Variants in GLP2R observed in about 807,000 individuals in gnomAD.
The protein encoded by GLP2R is glucagon-like peptide 2 receptor.
A neutral mutation model predicts 68.2 loss-of-function variants in GLP2R; 59 were observed. The ratio of observed to expected loss-of-function variants is 0.87; its 90% CI spans 0.70 to 1.07. GLP2R has a LOEUF of 1.07. GLP2R is among the 50% of genes least tolerant of loss of function. The pLI is 0.00. For synonymous variants in GLP2R, 270 were observed against 265.4 expected (o/e 1.02, Z -0.17); for missense variants, 548 against 677.4 (o/e 0.81, Z 2.12).
chr17:9,863,641 C>T (rs1331300355), intron 9 of GLP2R, among the ~76,000 whole-genome samples: 1 of 152,218 alleles, frequency 6.6e-6, no homozygotes, highest in Non-Finnish European at 1.5e-5. Context: ...TCTTTTCCAC[C>T]TGGTGATCTG....
intron 6 of GLP2R, among the ~76,000 whole-genome samples, chr17:9,857,967 A>G (rs2066949816): frequency 6.6e-6 from 1 of 152,238 alleles, no homozygotes. Flanking sequence ...TCTGACCTGA[A>G]CATGTACAGA....
rs143510669 is a variant in GLP2R at position 9,846,529 on chromosome 17, G to A, written c.504+3913G>A. ...GCTACTTGGGAGGCTGATGTGGGAG[G>A]ATCACTTAAGCCCCAGGAGGTTGAG... On this transcript the variant is annotated intron_variant, in intron 4 of 12. Coordinates refer to ENST00000262441, the MANE Select transcript of GLP2R (RefSeq NM_004246.3). Among the ~76,000 whole-genome samples the A allele has an allele frequency of 5.6e-3, 847 of 152,226 alleles. 7 individuals are homozygous for A. Among genetic ancestry groups the A allele is most frequent in the African/African-American group, 0.019 (807 of 41,522 alleles).
At chr17:9,888,088 C>A in intron 12 of GLP2R, 115 bp downstream of exon 12, 1 of 811,782 alleles carries the variant, frequency 1.2e-6, no homozygotes, top group Non-Finnish European at 2.2e-6. Flanking sequence ...CAGTGACCAG[C>A]ATGTGTGGGG....
chr17:9,857,443 A>C lies in GLP2R; in HGVS notation c.632A>C (p.Asn211Thr). Residue 211 changes from asparagine to threonine, a missense_variant, in exon 6 of 13, where the codon AAC (asparagine) becomes ACC (threonine). Transcript: ENST00000262441. ...LFLRKLHCTRNYIHMNLFASF... is the reference protein window; with the variant it reads ...LFLRKLHCTRTYIHMNLFASF... ...CACAGAAAACTCCACTGCACGCGCA[A>C]CTACATCCACATGAACTTGTTTGCT... 1 of 1,614,204 alleles carries C rather than the reference A, an allele frequency of 6.2e-7. No individual in the cohort carries two copies. The highest frequency in any genetic ancestry group is 1.1e-5 in the South Asian group (1 of 91,072).
chr17:9,848,340 C>G (rs1387785499), intron 4 of GLP2R, among the ~76,000 whole-genome samples: 1 of 152,176 alleles, frequency 6.6e-6, no homozygotes, highest in Non-Finnish European at 1.5e-5. Flanking sequence ...TGACCTAGTA[C>G]TGAGGTGCAC....
chr17:9,844,722 G>A (rs1325629414), intron 4 of GLP2R, among the ~76,000 whole-genome samples: 1 of 103,372 alleles, frequency 9.7e-6, no homozygotes, highest in African/African-American at 3.7e-5. Context: ...GCAGAGTCTC[G>A]CTCTGTCACC....
intron 11 of GLP2R, among the ~76,000 whole-genome samples, chr17:9,886,873 C>T (rs1364086940): frequency 6.6e-6 from 1 of 152,186 alleles, no homozygotes; most frequent in Non-Finnish European, 1.5e-5. Flanking sequence ...GAAATGCATC[C>T]TTTCCTTGTG....
At chr17:9,854,705 G>T (rs1000091807) in intron 5 of GLP2R, 104 bp downstream of exon 5, 2 of 751,494 alleles carry the variant, frequency 2.7e-6, no homozygotes, top group African/African-American at 3.4e-5. Context: ...GAAACCAGGG[G>T]TAGAACGAAA....
chr17:9,837,003 C>T (rs889246896), intron 3 of GLP2R, among the ~76,000 whole-genome samples: 12 of 152,164 alleles, frequency 7.9e-5, no homozygotes, highest in African/African-American at 2.9e-4. Context: ...GCACCCACCC[C>T]CACCACACTC....
At chr17:9,873,028 C>G (rs2067109633) in intron 10 of GLP2R, among the ~76,000 whole-genome samples, 1 of 152,170 alleles carries the variant, frequency 6.6e-6, no homozygotes, top group Non-Finnish European at 1.5e-5. Context: ...TCTCTTGGCG[C>G]CTCCAGTCGA....
chr17:9,833,219 G>A (rs909667440), intron 1 of GLP2R, among the ~76,000 whole-genome samples: 2 of 151,282 alleles, frequency 1.3e-5, no homozygotes, highest in African/African-American at 4.9e-5. Flanking sequence ...AGTTGAGATC[G>A]CACCATTGCA....
In GLP2R at chr17:9,842,583, C is replaced by T. The variant is rs1398216193; in HGVS notation, c.471C>T (p.Ser157=). The change falls in exon 4 of 13, where the codon TCC becomes TCT. Residue 157 remains serine, a synonymous_variant. Transcript: ENST00000262441. ...CCACGGATATTTGGCAGGATGACTC[C>T]GAATGCTCCGAGAACCACAGCTTCA... is the stretch of plus-strand genomic sequence containing the variant. ...ENATDIWQDD[S]ECSENHSFKQ... 16 of 1,613,878 alleles carry T rather than the reference C, an allele frequency of 9.9e-6. No homozygotes were observed. The highest frequency in any genetic ancestry group is 1.3e-5 in the African/African-American group (1 of 74,890).
intron 6 of GLP2R, among the ~76,000 whole-genome samples, 182 bp from the exon 7 acceptor site, chr17:9,859,760 A>G (rs954589801): frequency 7.4e-6 from 1 of 135,654 alleles, no homozygotes; most frequent in African/African-American, 2.7e-5. Context: ...TGGAGGTTGC[A>G]GTGTGAGCTG....
intron 1 of GLP2R, among the ~76,000 whole-genome samples, chr17:9,833,421 C>G (rs963762402): frequency 1.3e-5 from 2 of 152,214 alleles, no homozygotes; most frequent in African/African-American, 4.8e-5. Context: ...CTGCAATCCT[C>G]TGGTCCTTCT....
intron 8 of GLP2R, among the ~76,000 whole-genome samples, chr17:9,861,811 G>A (rs1045970617): frequency 6.6e-6 from 1 of 152,214 alleles, no homozygotes; most frequent in Non-Finnish European, 1.5e-5. Context: ...CCACTGAAGA[G>A]CAATTTAATG....
chr17:9,853,314 G>T (rs2066908644), intron 4 of GLP2R: 1 of 240,772 alleles, frequency 4.2e-6, no homozygotes, highest in Non-Finnish European at 8.3e-6. Flanking sequence ...TCCATGGGGT[G>T]GTGGCACGTA....
At chr17:9,840,210 C>T (rs978082570) in intron 3 of GLP2R, among the ~76,000 whole-genome samples, 3 of 152,174 alleles carry the variant, frequency 2.0e-5, no homozygotes, top group Non-Finnish European at 2.9e-5. Flanking sequence ...CTTCTGACCT[C>T]GTGAACCTCC....
chr17:9,857,010 C>T (rs1408526405), intron 5 of GLP2R, among the ~76,000 whole-genome samples: 1 of 152,046 alleles, frequency 6.6e-6, no homozygotes, highest in East Asian at 1.9e-4. Flanking sequence ...CAACCTCCGA[C>T]TCCCTGGTTC....
At chr17:9,859,124 T>A (rs2152039196) in intron 6 of GLP2R, among the ~76,000 whole-genome samples, 1 of 152,304 alleles carries the variant, frequency 6.6e-6, no homozygotes, top group East Asian at 1.9e-4. Flanking sequence ...TTATATAAGG[T>A]TTGGTATTAA....
Sources: allele counts gnomAD v4.1 joint callset (sites outside exome capture counted in the v4.1 genomes callset), GRCh38; gene constraint gnomAD v4.1.1; transcripts MANE v1.5; gene names NCBI Gene and HGNC (gene_info 2026-07-23, HGNC 2026-07-21).